The following ZNF385B variants were observed in gnomAD, a reference collection of about 807,000 sequenced individuals.
ZNF385B encodes the protein zinc finger protein 385B, also known as zinc finger protein 533.
In ZNF385B, 23 loss-of-function variants were observed where a neutral mutation model predicts 39.2. The observed-to-expected ratio is 0.59, with a 90% CI of 0.42 to 0.83. The LOEUF is 0.83. Ranked by LOEUF, ZNF385B falls within the 40% of genes least tolerant of loss-of-function variation. ZNF385B has a pLI of 0.00. For missense variants in ZNF385B, 552 were observed against 598.9 expected, an observed-to-expected ratio of 0.92 and a Z score of 0.82; for synonymous variants, 205 against 222.6, an observed-to-expected ratio of 0.92 and a Z score of 0.70.
chr2:179,443,129 G>T lies in ZNF385B; in HGVS notation c.*121C>A. The T allele has an allele frequency of 9.5e-7, 1 of 1,051,570 alleles. No homozygotes were observed. Among genetic ancestry groups the T allele is most frequent in the Non-Finnish European group, 1.4e-6 (1 of 703,590 alleles). 65.1% of individuals were successfully genotyped at this position (1,051,570 alleles called of 1,614,324 possible). A position where few individuals can be genotyped will look rare whatever the true frequency, so the allele number is the denominator to read the frequency against. On this transcript the variant is annotated 3_prime_UTR_variant, in exon 10 of 10. Transcript: ENST00000410066. The stretch of plus-strand genomic sequence containing the variant: ...CTCTCTGGAATTGGGGGACTGGGTG[G>T]TGGGCTGCATTTTGTGGGTGAATGG...
chr2:179,663,082 T>C (rs1198473070), intron 3 of ZNF385B, among the ~76,000 whole-genome samples: 1 of 152,220 alleles, frequency 6.6e-6, no homozygotes, highest in Non-Finnish European at 1.5e-5. Context: ...CTAAGGCCAA[T>C]TACTCACCTT....
intron 3 of ZNF385B, among the ~76,000 whole-genome samples, chr2:179,753,411 G>A (rs1316309380): frequency 6.6e-6 from 1 of 152,116 alleles, no homozygotes; most frequent in African/African-American, 2.4e-5. Flanking sequence ...GGATTGTCTT[G>A]GCAATGTGGG....
chr2:179,518,629 C>T lies in ZNF385B; in HGVS notation c.451G>A (p.Val151Met). Residue 151 changes from valine (V) to methionine (M), a missense_variant, in exon 5 of 10, where the codon GTG becomes ATG. Val to Met is a conservative substitution (Grantham distance 21). Coordinates refer to ENST00000410066, the MANE Select transcript of ZNF385B (RefSeq NM_152520.6). Reference protein sequence around the residue: ...LFPNFNTMDPVQKAVINHTFG... With the variant: ...LFPNFNTMDPMQKAVINHTFG... ...GTATGGTTAATAACCGCTTTTTGCACAGGATCCATCTGAAGAACAAATGAA... is the reference window on the plus strand; with the variant it reads ...GTATGGTTAATAACCGCTTTTTGCATAGGATCCATCTGAAGAACAAATGAA... 3 of 1,579,510 alleles carry T rather than the reference C, an allele frequency of 1.9e-6. No homozygotes were observed. The highest frequency in any genetic ancestry group is 2.6e-6 in the Non-Finnish European group (3 of 1,167,092).
At chr2:179,685,375 C>T (rs1697841944) in intron 3 of ZNF385B, among the ~76,000 whole-genome samples, 1 of 152,182 alleles carries the variant, frequency 6.6e-6, no homozygotes, top group Non-Finnish European at 1.5e-5. Context: ...TCCCTTGATG[C>T]TTCTTCAGCC....
At chr2:179,719,263 T>C (rs1345214980) in intron 3 of ZNF385B, among the ~76,000 whole-genome samples, 1 of 152,284 alleles carries the variant, frequency 6.6e-6, no homozygotes, top group South Asian at 2.1e-4. Flanking sequence ...CCATTCCTAT[T>C]GCATGAGCCG....
chr2:179,844,342 T>C (rs539794718), intron 1 of ZNF385B, among the ~76,000 whole-genome samples: 2 of 152,338 alleles, frequency 1.3e-5, no homozygotes, highest in South Asian at 4.1e-4. Flanking sequence ...CTAGAGTCAA[T>C]GAGGCCTTGG....
intron 1 of ZNF385B, among the ~76,000 whole-genome samples, chr2:179,844,296 G>T (rs1243798167): frequency 6.6e-6 from 1 of 152,102 alleles, no homozygotes; most frequent in Non-Finnish European, 1.5e-5. Context: ...TTTCCTTTCT[G>T]CTCTTGCAGT....
At chr2:179,786,717 T>A (rs1705027783) in intron 1 of ZNF385B, among the ~76,000 whole-genome samples, 1 of 151,944 alleles carries the variant, frequency 6.6e-6, no homozygotes, top group African/African-American at 2.4e-5. Flanking sequence ...TTTTCATTTT[T>A]GACTATTTAA....
At chr2:179,492,522 T>G (rs528770864) in intron 5 of ZNF385B, among the ~76,000 whole-genome samples, 7 of 152,176 alleles carry the variant, frequency 4.6e-5, no homozygotes, top group Non-Finnish European at 8.8e-5. Context: ...AAATTAGAAT[T>G]TACATTGTGT....
At chr2:179,842,475 A>G (rs1708585250) in intron 1 of ZNF385B, among the ~76,000 whole-genome samples, 1 of 152,122 alleles carries the variant, frequency 6.6e-6, no homozygotes. Flanking sequence ...TGAGTTTTCC[A>G]TTATCCACAG....
chr2:179,576,847 T>C (rs1469891892), intron 3 of ZNF385B, among the ~76,000 whole-genome samples: 1 of 152,144 alleles, frequency 6.6e-6, no homozygotes, highest in Non-Finnish European at 1.5e-5. Flanking sequence ...ATTCAGGCAG[T>C]TCAACAAACA....
chr2:179,561,650 G>A (rs961253444), intron 3 of ZNF385B, among the ~76,000 whole-genome samples: 3 of 151,302 alleles, frequency 2.0e-5, no homozygotes, highest in East Asian at 3.9e-4. Flanking sequence ...AGTAAGGTGG[G>A]GTAAATAAAA....
intron 3 of ZNF385B, among the ~76,000 whole-genome samples, chr2:179,560,022 T>C (rs1351487791): frequency 2.0e-5 from 3 of 152,190 alleles, no homozygotes; most frequent in Non-Finnish European, 2.9e-5. Flanking sequence ...GATCATGCAG[T>C]ATTTTTTTTC....
At chr2:179,535,635 T>C (rs1024438639) in intron 4 of ZNF385B, among the ~76,000 whole-genome samples, 3 of 152,250 alleles carry the variant, frequency 2.0e-5, no homozygotes, top group African/African-American at 7.2e-5. Flanking sequence ...ATCCCTCTGA[T>C]ACTAGAATTT....
chr2:179,563,341 T>C (rs1169030769), intron 3 of ZNF385B, among the ~76,000 whole-genome samples: 1 of 152,214 alleles, frequency 6.6e-6, no homozygotes, highest in African/African-American at 2.4e-5. Context: ...CTGATTGTCA[T>C]TGATACTGAT....
chr2:179,444,868 A>G lies in ZNF385B; in HGVS notation c.1242+8T>C, dbSNP rs568414639. ...CACAAAACAGGTGAGCAGGTGAGGT[A>G]AACTTACTGCTAGAATACTCGGGCT... On this transcript the variant is annotated splice_region_variant and intron_variant, in intron 9 of 9. Coordinates refer to ENST00000410066, the MANE Select transcript of ZNF385B (RefSeq NM_152520.6). 1 of 1,613,250 alleles carries G rather than the reference A, an allele frequency of 6.2e-7. No homozygotes were observed. Among genetic ancestry groups the G allele is most frequent in the South Asian group, 1.1e-5 (1 of 91,050 alleles).
intron 1 of ZNF385B, among the ~76,000 whole-genome samples, chr2:179,829,565 G>T (rs1191059938): frequency 6.6e-6 from 1 of 151,978 alleles, no homozygotes; most frequent in African/African-American, 2.4e-5. Context: ...CCAGGCTGGA[G>T]TGCAGTGGTG....
At chr2:179,467,393 C>A (rs1279480661) in intron 6 of ZNF385B, among the ~76,000 whole-genome samples, 1 of 152,180 alleles carries the variant, frequency 6.6e-6, no homozygotes, top group Non-Finnish European at 1.5e-5. Flanking sequence ...GGAGGGTGAA[C>A]TACTGGACCA....
chr2:179,833,320 C>T (rs1708079936), intron 1 of ZNF385B, among the ~76,000 whole-genome samples: 2 of 152,180 alleles, frequency 1.3e-5, no homozygotes, highest in South Asian at 4.1e-4. Flanking sequence ...TATTTCAGAT[C>T]TCACAAATAA....
Sources: gnomAD v4.1 joint callset for allele counts (sites outside exome capture counted in the v4.1 genomes callset) on GRCh38, gnomAD v4.1.1 for gene constraint, MANE v1.5 for transcripts, NCBI Gene and HGNC (gene_info 2026-07-23, HGNC 2026-07-21) for gene names.